FBXL5: variants seen among roughly 807,000 people sequenced by gnomAD.
The protein encoded by FBXL5 is F-box/LRR-repeat protein 5.
In FBXL5, 26 loss-of-function variants were observed where a neutral mutation model predicts 78.3. The ratio of observed to expected loss-of-function variants is 0.33; its 90% CI spans 0.24 to 0.46. The LOEUF is 0.46. Among genes scored for constraint, FBXL5 ranks in the 20% least tolerant of loss-of-function variants. FBXL5 has a pLI of 1.00. For missense variants in FBXL5, 710 were observed against 829.2 expected (o/e 0.86, Z 1.77); for synonymous variants, 295 against 282.5 (o/e 1.04, Z -0.45).
At chr4:15,655,426 G>A, upstream of FBXL5, 1 of 991,584 alleles carries the variant, frequency 1.0e-6, no homozygotes, top group Non-Finnish European at 1.2e-6. Flanking sequence ...CTTGGCCGGC[G>A]GGGACGCGGG....
At position 15,644,662 on chromosome 4, in the gene FBXL5, A is replaced by G. The variant is rs1167232621; in HGVS notation, c.131T>C (p.Leu44Pro). ...CTTGAAAGTAGCATACAAAGACTGC[A>G]GAAGAGCACGGAAATCGTTGTTGTT... ...FSNNNDFRAL[L>P]QSLYATFKEF... The change falls in exon 2 of 11, where the codon CTG (leucine) becomes CCG (proline). Residue 44 changes from leucine to proline, a missense_variant. Coordinates refer to ENST00000341285, the MANE Select transcript of FBXL5 (RefSeq NM_012161.4). 1 of 1,613,270 alleles carries G rather than the reference A, an allele frequency of 6.2e-7. No individual in the cohort carries two copies. Among genetic ancestry groups the G allele is most frequent in the East Asian group, 2.2e-5 (1 of 44,858 alleles).
intron 1 of FBXL5, 111 bp from the exon 2 acceptor site, chr4:15,644,819 A>T (rs1388094548): frequency 2.0e-5 from 14 of 694,922 alleles, no homozygotes; most frequent in Non-Finnish European, 3.1e-5. Flanking sequence ...CTTCCCTTAC[A>T]CTTGGTTAAA....
At chr4:15,675,572 ATTTTTTT>A (rs60660814) in intron 1 of FBXL5, among the ~76,000 whole-genome samples, 2,580 of 96,654 alleles carry the variant, frequency 0.027, 79 homozygotes, top group East Asian at 0.25. Flanking sequence ...CAAAACTCCT[ATTTTTTT>A]TTTTTTTTTT....
At chr4:15,662,418 T>G (rs1355073541), upstream of FBXL5, among the ~76,000 whole-genome samples, 1 of 152,208 alleles carries the variant, frequency 6.6e-6, no homozygotes, top group South Asian at 2.1e-4. Flanking sequence ...CTTCATAGTG[T>G]TGTTGTAAAG....
At chr4:15,624,648 TA>T (rs1318873718) in intron 9 of FBXL5, among the ~76,000 whole-genome samples, 96 of 144,682 alleles carry the variant, frequency 6.6e-4, no homozygotes, top group Middle Eastern at 3.5e-3. Flanking sequence ...TTATGCTTAT[TA>T]AAAAAAAAAA....
In FBXL5 at chr4:15,635,236, G is replaced by A. The variant is rs550987392; in HGVS notation, c.766+1258C>T. 2.6e-5 allele frequency among the ~76,000 whole-genome samples: 4 copies of A among 151,900 alleles called. No individual in the cohort carries two copies. The East Asian group carries it at 7.8e-4, about 30-fold the overall frequency. ...TAATCGCAGCTACTTGGGAGGCTGA[G>A]GCAGGAGAATCGCTTGAACCTGGGA... On this transcript the variant is annotated intron_variant, in intron 5 of 10. Coordinates refer to ENST00000341285, the MANE Select transcript of FBXL5 (RefSeq NM_012161.4).
chr4:15,672,165 A>G (rs1717795525), intron 1 of FBXL5, among the ~76,000 whole-genome samples: 1 of 152,220 alleles, frequency 6.6e-6, no homozygotes, highest in African/African-American at 2.4e-5. Flanking sequence ...TTGTTAGGCA[A>G]GACAGGGACA....
At chr4:15,629,434 ATTT>A in intron 6 of FBXL5, among the ~76,000 whole-genome samples, 1 of 152,152 alleles carries the variant, frequency 6.6e-6, no homozygotes, top group Non-Finnish European at 1.5e-5. Context: ...TAATCGCTCA[ATTT>A]AAAACTGCAA....
chr4:15,655,912 C>G (rs1341266404), upstream of FBXL5, among the ~76,000 whole-genome samples: 1 of 152,246 alleles, frequency 6.6e-6, no homozygotes, highest in Admixed American at 6.5e-5. Context: ...GTTGGTGAAC[C>G]AGAGCTGCGG....
At chr4:15,665,916 A>T (rs989740508) in intron 1 of FBXL5, among the ~76,000 whole-genome samples, 5 of 152,098 alleles carry the variant, frequency 3.3e-5, no homozygotes, top group African/African-American at 9.7e-5. Flanking sequence ...ACTGTCCAAG[A>T]CCATAAGCCA....
intron 1 of FBXL5, among the ~76,000 whole-genome samples, chr4:15,666,856 C>A (rs1717568178): frequency 6.6e-6 from 1 of 151,230 alleles, no homozygotes; most frequent in Non-Finnish European, 1.5e-5. Context: ...GAGTAAATTT[C>A]AAATGTCCCA....
chr4:15,627,153 G>A (rs1156895540), intron 7 of FBXL5, among the ~76,000 whole-genome samples, 198 bp from the exon 8 acceptor site: 1 of 46,048 alleles, frequency 2.2e-5, no homozygotes, highest in Non-Finnish European at 4.7e-5. Flanking sequence ...TTTTTTTTTT[G>A]AGACAGAGTC....
intron 1 of FBXL5, among the ~76,000 whole-genome samples, chr4:15,680,159 G>A (rs143621972): frequency 1.3e-3 from 200 of 151,694 alleles, no homozygotes; most frequent in African/African-American, 4.5e-3. Flanking sequence ...TTGAAGGAGA[G>A]ACCGAGTGAA....
chr4:15,650,515 T>A (rs1385662528), intron 1 of FBXL5, among the ~76,000 whole-genome samples: 1 of 152,134 alleles, frequency 6.6e-6, no homozygotes, highest in Non-Finnish European at 1.5e-5. Flanking sequence ...TACAGTAAAA[T>A]ATAAAGGTTC....
chr4:15,628,086 C>A, intron 6 of FBXL5, 53 bp from the exon 7 acceptor site: 1 of 1,551,866 alleles, frequency 6.4e-7, no homozygotes, highest in East Asian at 2.3e-5. Flanking sequence ...AATAATTAAG[C>A]TACTCAAGCG....
At chr4:15,650,538 A>G (rs140004675) in intron 1 of FBXL5, among the ~76,000 whole-genome samples, 84 of 152,320 alleles carry the variant, frequency 5.5e-4, no homozygotes, top group African/African-American at 1.9e-3. Flanking sequence ...AGTGACCTAT[A>G]AAGTTATATA....
chr4:15,640,934 T>C (rs1005313316), intron 2 of FBXL5, 51 bp from the exon 3 acceptor site: 1 of 1,014,802 alleles, frequency 9.9e-7, no homozygotes, highest in Non-Finnish European at 1.4e-6. Flanking sequence ...CTTCATTAAT[T>C]ATGTCTGGTC....
chr4:15,622,291 T>C (rs1712566300), intron 9 of FBXL5, among the ~76,000 whole-genome samples: 3 of 152,224 alleles, frequency 2.0e-5, no homozygotes, highest in Admixed American at 2.0e-4. Flanking sequence ...TTTACATGAG[T>C]TGTATTTTTT....
chr4:15,656,112 C>T, upstream of FBXL5: 2 of 452,042 alleles, frequency 4.4e-6, no homozygotes, highest in Middle Eastern at 4.6e-4. Context: ...GGGATAGGCC[C>T]GACGGGCCTT....
Sources: gnomAD v4.1 joint callset for allele counts (sites outside exome capture counted in the v4.1 genomes callset) on GRCh38, gnomAD v4.1.1 for gene constraint, MANE v1.5 for transcripts, NCBI Gene and HGNC (gene_info 2026-07-23, HGNC 2026-07-21) for gene names.